Variants in KMT2E observed in about 807,000 individuals in gnomAD.
KMT2E encodes the protein lysine methyltransferase 2E (inactive).
In KMT2E, 30 loss-of-function variants were observed where a neutral mutation model predicts 184.6. That is an observed-to-expected ratio of 0.16 (90% CI 0.12 to 0.22). The LOEUF (loss-of-function observed/expected upper bound fraction) is 0.22. Among genes scored for constraint, KMT2E ranks in the 10% least tolerant of loss-of-function variants. The pLI, the probability that KMT2E is intolerant of heterozygous loss-of-function variation, is 1.00. For missense variants in KMT2E, 2,023 were observed against 2,237.4 expected (o/e 0.90, Z 1.93); for synonymous variants, 815 against 776.5 (o/e 1.05, Z -0.82).
Position 105,074,779 on chromosome 7 carries a change from C to T in KMT2E, c.693C>T (p.Ser231=), listed in dbSNP as rs199754455. The T allele has an allele frequency of 1.6e-5, 26 of 1,605,746 alleles. No individual in the cohort carries two copies. Among genetic ancestry groups the T allele is most frequent in the Middle Eastern group, 1.7e-4 (1 of 6,024 alleles). Residue 231 remains serine (S), a synonymous_variant, in exon 8 of 27, where the codon AGC becomes AGT. Transcript: ENST00000311117. The stretch of plus-strand genomic sequence containing the variant: ...TTAATGATAAAAGAAGGAAAAAAAG[C>T]GGGGAGAAAGAACAACACATTTCAA... ...SKVNDKRRKK[S]GEKEQHISKC...
rs977436927 is a variant in KMT2E, at chr7:105,014,389, T to A, written c.-335T>A. The A allele has an allele frequency of 3.9e-5, 6 of 153,736 alleles. No individual in the cohort carries two copies. The highest frequency in any genetic ancestry group is 7.3e-5 in the Non-Finnish European group (5 of 68,958). 9.5% of individuals were successfully genotyped at this position (153,736 alleles called of 1,614,324 possible). On this transcript the variant is annotated 5_prime_UTR_variant, in exon 1 of 27. Coordinates refer to ENST00000311117, the MANE Select transcript of KMT2E (RefSeq NM_182931.3). ...GGTTCCTGGTGAAGAGGCTGCGCGC[T>A]GCTGTTTGGGGAGGGGGTGTGTGGA... is the stretch of plus-strand genomic sequence containing the variant.
chr7:105,108,007 A>G (rs1290009276), intron 22 of KMT2E, 82 bp downstream of exon 22: 3 of 907,824 alleles, frequency 3.3e-6, no homozygotes, highest in South Asian at 2.1e-5. Flanking sequence ...TGTTAGATGT[A>G]TTATGTAAGG....
At chr7:105,083,804 G>A (rs1797852756) in intron 13 of KMT2E, among the ~76,000 whole-genome samples, 1 of 152,138 alleles carries the variant, frequency 6.6e-6, no homozygotes, top group South Asian at 2.1e-4. Context: ...TCTTAATGGT[G>A]TCTGAGAACT....
At chr7:105,109,896 T>G (rs866971141) in intron 23 of KMT2E, among the ~76,000 whole-genome samples, 1 of 149,414 alleles carries the variant, frequency 6.7e-6, no homozygotes, top group Non-Finnish European at 1.5e-5. Context: ...CAGTCTGGAG[T>G]GCAGTGGCGC....
chr7:105,111,492 G>C lies in KMT2E; in HGVS notation c.4069-333G>C, dbSNP rs190191618. 5.7e-4 allele frequency among the ~76,000 whole-genome samples: 87 copies of C among 152,074 alleles called. 1 individual carries two copies. Among genetic ancestry groups the C allele is most frequent in the Admixed American group, 5.2e-3 (80 of 15,272 alleles). ...AATTTCAATTATAAAATTGAAACTT[G>C]CTATTGGAGTTCTTCAGAGTGAGGC... On this transcript the variant is annotated intron_variant, in intron 26 of 26. Coordinates refer to ENST00000311117, the MANE Select transcript of KMT2E (RefSeq NM_182931.3).
In KMT2E at chr7:105,077,319, A is replaced by G. The variant is rs1409571255; in HGVS notation, c.1016A>G (p.Asn339Ser). ...KPPVESHIQK[N>S]KKILKSAKDL... Reference sequence around the variant, plus strand: ...TGATTTTAGAGCCATATACAAAAGAATAAGAAAATTCTTAAATCTGCAAAA... The same window carrying G: ...TGATTTTAGAGCCATATACAAAAGAGTAAGAAAATTCTTAAATCTGCAAAA... The change falls in exon 11 of 27, where the codon AAT becomes AGT. Residue 339 changes from asparagine to serine, a missense_variant. Coordinates refer to ENST00000311117, the MANE Select transcript of KMT2E (RefSeq NM_182931.3). The G allele has an allele frequency of 1.9e-6, 3 of 1,609,826 alleles. No homozygotes were observed. The highest frequency in any genetic ancestry group is 2.5e-6 in the Non-Finnish European group (3 of 1,177,226).
chr7:105,027,003 C>T (rs1006871502), intron 1 of KMT2E, among the ~76,000 whole-genome samples: 2 of 151,760 alleles, frequency 1.3e-5, no homozygotes, highest in South Asian at 4.2e-4. Flanking sequence ...TTATGAGTGA[C>T]TGATGAGCTC....
In KMT2E at chr7:105,089,798, T is replaced by C. The variant is rs188442942; in HGVS notation, c.1359-211T>C. The stretch of plus-strand genomic sequence containing the variant: ...TATACTTATGATTGAAGGCCTAATA[T>C]CTGGTCAGAAATCAACATCTAATTA... On this transcript the variant is annotated intron_variant, in intron 13 of 26. Coordinates refer to ENST00000311117, the MANE Select transcript of KMT2E (RefSeq NM_182931.3). Among the ~76,000 whole-genome samples, 585 of 152,176 alleles carry C rather than the reference T, an allele frequency of 3.8e-3. 14 individuals are homozygous for C. In the East Asian group the frequency reaches 0.063, roughly 16 times the overall value.
At chr7:105,110,889 A>C in intron 26 of KMT2E, 21 bp downstream of exon 26, 1 of 1,551,690 alleles carries the variant, frequency 6.4e-7, no homozygotes, top group African/African-American at 1.4e-5. Flanking sequence ...TGACCTTTCG[A>C]TGGGTTCCAA....
intron 1 of KMT2E, among the ~76,000 whole-genome samples, chr7:105,019,304 T>G (rs1162246875): frequency 6.6e-6 from 1 of 152,220 alleles, no homozygotes; most frequent in Non-Finnish European, 1.5e-5. Flanking sequence ...TCACTTGATA[T>G]GAAATCAGTT....
chr7:105,055,741 T>C (rs2240453), intron 3 of KMT2E, among the ~76,000 whole-genome samples: 40,942 of 152,044 alleles, frequency 0.27, 8,038 homozygotes, highest in East Asian at 0.58. Context: ...TGGAATACTT[T>C]CTCCATCTCT....
At chr7:105,108,008 T>A in intron 22 of KMT2E, 83 bp downstream of exon 22, 1 of 901,010 alleles carries the variant, frequency 1.1e-6, no homozygotes, top group East Asian at 2.9e-5. Context: ...GTTAGATGTA[T>A]TATGTAAGGC....
chr7:105,098,232 CTATTTTT>C (rs1798500605), intron 15 of KMT2E, among the ~76,000 whole-genome samples: 2 of 129,650 alleles, frequency 1.5e-5, no homozygotes, highest in African/African-American at 7.5e-5. Context: ...TTTCCTTTTC[CTATTTTT>C]TTTTTTTTTT....
intron 1 of KMT2E, among the ~76,000 whole-genome samples, chr7:105,034,395 G>A (rs1275976648): frequency 6.6e-6 from 1 of 152,040 alleles, no homozygotes; most frequent in African/African-American, 2.4e-5. Flanking sequence ...ACCATGCCCA[G>A]CTAATTTTTT....
At chr7:105,069,074 AG>A (rs1466457122) in intron 6 of KMT2E, among the ~76,000 whole-genome samples, 7 of 152,160 alleles carry the variant, frequency 4.6e-5, no homozygotes, top group Non-Finnish European at 8.8e-5. Flanking sequence ...TGGTGTGACA[AG>A]ATGTCTCAGG....
chr7:105,103,827 CTT>C lies in KMT2E; in HGVS notation c.2197-1595_2197-1594del, dbSNP rs66584948. On this transcript the variant is annotated intron_variant, in intron 17 of 26. Coordinates refer to ENST00000311117, the MANE Select transcript of KMT2E (RefSeq NM_182931.3). ...ACTAAGTTCTGTACATTTTCTTTTT[CTT>C]TTTTTTTTTTTTTTTTGAGATGGAG... 1.2e-3 allele frequency: 139 copies of C among 117,580 alleles called. No homozygotes were observed. In the South Asian group the frequency reaches 0.016, roughly 14 times the overall value. 7.3% of individuals were successfully genotyped at this position (117,580 alleles called of 1,614,324 possible).
intron 1 of KMT2E, among the ~76,000 whole-genome samples, chr7:105,034,211 C>T (rs756968584): frequency 6.6e-6 from 1 of 152,086 alleles, no homozygotes; most frequent in Non-Finnish European, 1.5e-5. Context: ...AATTGTGGTA[C>T]AATGTCCTGA....
rs547986481 is a variant in KMT2E at position 105,114,663 on chromosome 7, A to T, written c.*1330A>T. Among the ~76,000 whole-genome samples the T allele has an allele frequency of 6.6e-6, 1 of 152,248 alleles. No homozygotes were observed. The highest frequency in any genetic ancestry group is 2.1e-4 in the South Asian group (1 of 4,826). On this transcript the variant is annotated 3_prime_UTR_variant, in exon 27 of 27. Coordinates refer to ENST00000311117, the MANE Select transcript of KMT2E (RefSeq NM_182931.3). ...ATTTTTCATCATCCAATTACCTGAC[A>T]TAATTTGGCACAGGATACAAATTCT...
intron 3 of KMT2E, among the ~76,000 whole-genome samples, chr7:105,044,272 T>G (rs1796007944): frequency 6.6e-6 from 1 of 152,194 alleles, no homozygotes; most frequent in Non-Finnish European, 1.5e-5. Flanking sequence ...ATAGGCTGTT[T>G]GCTTCATTAA....
Sources: gnomAD v4.1 joint callset for allele counts (sites outside exome capture counted in the v4.1 genomes callset) on GRCh38, gnomAD v4.1.1 for gene constraint, MANE v1.5 for transcripts, NCBI Gene and HGNC (gene_info 2026-07-23, HGNC 2026-07-21) for gene names.